The following FHOD3 variants were observed in gnomAD, a reference collection of about 807,000 sequenced individuals.
FHOD3 encodes the protein formin homology 2 domain containing 3.
Under a neutral mutation model 173.0 loss-of-function variants are expected in FHOD3, and 90 were observed. That is an observed-to-expected ratio of 0.52 (90% CI 0.44 to 0.62). The LOEUF (loss-of-function observed/expected upper bound fraction) is 0.62. FHOD3 is among the 20% of genes least tolerant of loss of function. FHOD3 has a pLI of 0.00. For missense variants in FHOD3, 1,945 were observed against 2,034.7 expected, an observed-to-expected ratio of 0.96 and a Z score of 0.85; for synonymous variants, 828 against 823.0, an observed-to-expected ratio of 1.01 and a Z score of -0.10.
chr18:36,382,212 A>G (rs2047826572), intron 3 of FHOD3, among the ~76,000 whole-genome samples: 1 of 152,088 alleles, frequency 6.6e-6, no homozygotes, highest in South Asian at 2.1e-4. Flanking sequence ...GTCGTCCCCA[A>G]ATGTAACAAG....
rs56984009 is a variant in FHOD3, at chr18:36,474,132, A to ATAAGTAG, written c.338-27798_338-27797insAGTAGTA. Among the ~76,000 whole-genome samples the ATAAGTAG allele has an allele frequency of 8.0e-3, 1,216 of 152,334 alleles. 15 individuals are homozygous for ATAAGTAG. Among genetic ancestry groups the ATAAGTAG allele is most frequent in the African/African-American group, 0.028 (1,148 of 41,564 alleles). ...ACATTCCTTCTACTACTTATGCATC[A>ATAAGTAG]TAGAACAGTAAGAAGACCTGGAAGG... is the stretch of plus-strand genomic sequence containing the variant. On this transcript the variant is annotated intron_variant, in intron 3 of 28. Coordinates refer to ENST00000590592, the MANE Select transcript of FHOD3 (RefSeq NM_001281740.3).
intron 1 of FHOD3, among the ~76,000 whole-genome samples, chr18:36,333,959 A>C (rs1000298510): frequency 6.6e-6 from 1 of 152,150 alleles, no homozygotes; most frequent in African/African-American, 2.4e-5. Flanking sequence ...GTACCTTTTG[A>C]ATCAGATCCA....
chr18:36,424,493 G>A (rs559702214), intron 3 of FHOD3, among the ~76,000 whole-genome samples: 1 of 152,112 alleles, frequency 6.6e-6, no homozygotes, highest in African/African-American at 2.4e-5. Flanking sequence ...ATGTCAGTAC[G>A]TGAGGGCAGA....
intron 9 of FHOD3, among the ~76,000 whole-genome samples, chr18:36,615,348 C>T (rs1000744839): frequency 6.6e-6 from 1 of 151,744 alleles, no homozygotes. Context: ...AATATATACT[C>T]ATTGATGAAA....
intron 5 of FHOD3, among the ~76,000 whole-genome samples, chr18:36,553,923 A>G (rs1055071836): frequency 2.6e-5 from 4 of 152,364 alleles, no homozygotes; most frequent in South Asian, 4.1e-4. Context: ...AATGCAAATC[A>G]AAACCACAAC....
intron 3 of FHOD3, among the ~76,000 whole-genome samples, chr18:36,441,851 C>T (rs577445912): frequency 6.6e-6 from 1 of 152,318 alleles, no homozygotes; most frequent in African/African-American, 2.4e-5. Context: ...TAGAAGGAAC[C>T]TTGCTCAAGT....
chr18:36,353,897 C>G (rs989285649), intron 1 of FHOD3, among the ~76,000 whole-genome samples: 1 of 143,656 alleles, frequency 7.0e-6, no homozygotes, highest in African/African-American at 2.6e-5. Flanking sequence ...AAGCTCCTTG[C>G]ATTTGGGGCT....
chr18:36,593,328 C>A (rs2059291251), intron 6 of FHOD3, among the ~76,000 whole-genome samples: 1 of 152,038 alleles, frequency 6.6e-6, no homozygotes, highest in Non-Finnish European at 1.5e-5. Flanking sequence ...GAAGAAGTTT[C>A]CTCATATAGG....
intron 5 of FHOD3, among the ~76,000 whole-genome samples, chr18:36,536,911 G>A (rs4799867): frequency 0.58 from 88,121 of 152,068 alleles, 25,542 homozygotes; most frequent in East Asian, 0.63. Flanking sequence ...TTCTCTAGAA[G>A]TGACAAGAAG....
chr18:36,378,459 C>T (rs551500399), intron 3 of FHOD3, among the ~76,000 whole-genome samples: 2 of 151,892 alleles, frequency 1.3e-5, no homozygotes, highest in East Asian at 1.9e-4. Flanking sequence ...CCTTAGGTCT[C>T]GGCTGAGGGA....
intron 3 of FHOD3, among the ~76,000 whole-genome samples, chr18:36,404,247 G>A (rs1348057070): frequency 1.5e-4 from 23 of 152,162 alleles, no homozygotes. Context: ...ATCTGCTGAG[G>A]TGTTGCCTGC....
At chr18:36,675,344 A>G (rs1355570457) in intron 14 of FHOD3, among the ~76,000 whole-genome samples, 1 of 148,512 alleles carries the variant, frequency 6.7e-6, no homozygotes, top group African/African-American at 2.5e-5. Flanking sequence ...TACAGTTGGC[A>G]TCTTTTTTTT....
At chr18:36,554,752 C>T (rs1240992223) in intron 5 of FHOD3, among the ~76,000 whole-genome samples, 2 of 152,180 alleles carry the variant, frequency 1.3e-5, no homozygotes, top group Non-Finnish European at 2.9e-5. Context: ...AATTCTATTT[C>T]TTTAATAGAT....
chr18:36,526,339 A>T (rs1036985237), intron 5 of FHOD3, among the ~76,000 whole-genome samples: 1 of 152,190 alleles, frequency 6.6e-6, no homozygotes, highest in African/African-American at 2.4e-5. Flanking sequence ...TGGTTGATAA[A>T]TTTTAAGTAG....
intron 9 of FHOD3, among the ~76,000 whole-genome samples, chr18:36,614,410 T>A (rs1227159445): frequency 6.6e-6 from 1 of 152,256 alleles, no homozygotes; most frequent in Non-Finnish European, 1.5e-5. Flanking sequence ...TAGTGAATAC[T>A]TGAGTTATTT....
chr18:36,717,818 C>T lies in FHOD3; in HGVS notation c.2534-14C>T, dbSNP rs761452553. ...CTTGCCCCTTTCTCATTTTTCTCTC[C>T]CATGTACTTTCAGGTTTGTGGCCCG... On this transcript the variant is annotated splice_polypyrimidine_tract_variant and intron_variant, in intron 18 of 28. Transcript: ENST00000590592. 127 of 1,549,316 alleles carry T rather than the reference C, an allele frequency of 8.2e-5. No individual in the cohort carries two copies. Among genetic ancestry groups the T allele is most frequent in the Non-Finnish European group, 1.0e-4 (119 of 1,147,238 alleles).
At chr18:36,504,836 T>C (rs2146129695) in intron 4 of FHOD3, among the ~76,000 whole-genome samples, 1 of 152,272 alleles carries the variant, frequency 6.6e-6, no homozygotes, top group South Asian at 2.1e-4. Context: ...AATTTGAAAA[T>C]CCATTAGAAA....
chr18:36,530,700 T>A lies in FHOD3; in HGVS notation c.511+18157T>A, dbSNP rs57732449. ...CATTCTTGTTGTATTTCCTTGTGCA[T>A]CCATGTGATTTTCTCTAGGATTTAC... is the stretch of plus-strand genomic sequence containing the variant. On this transcript the variant is annotated intron_variant, in intron 5 of 28. Coordinates refer to ENST00000590592, the MANE Select transcript of FHOD3 (RefSeq NM_001281740.3). Among the ~76,000 whole-genome samples the A allele has an allele frequency of 7.1e-3, 1,088 of 152,364 alleles. 15 individuals are homozygous for A. Among genetic ancestry groups the A allele is most frequent in the African/African-American group, 0.025 (1,053 of 41,584 alleles).
chr18:36,569,928 A>G (rs909367253), intron 5 of FHOD3, among the ~76,000 whole-genome samples: 2 of 152,114 alleles, frequency 1.3e-5, no homozygotes, highest in Admixed American at 1.3e-4. Flanking sequence ...TGCATGAGGG[A>G]AATTTCTAGC....
Sources: allele counts gnomAD v4.1 joint callset (sites outside exome capture counted in the v4.1 genomes callset), GRCh38; gene constraint gnomAD v4.1.1; transcripts MANE v1.5; gene names NCBI Gene and HGNC (gene_info 2026-07-23, HGNC 2026-07-21).